PLS1: variants seen among roughly 807,000 people sequenced by gnomAD.
The protein encoded by PLS1 is plastin-1.
PLS1 carries 32 observed loss-of-function variants against 73.7 expected under a neutral mutation model. The ratio of observed to expected loss-of-function variants is 0.43; its 90% CI spans 0.33 to 0.58. The LOEUF (loss-of-function observed/expected upper bound fraction) is 0.58. Among genes scored for constraint, PLS1 ranks in the 20% least tolerant of loss-of-function variants. The pLI is 0.04. For synonymous variants in PLS1, 217 were observed against 261.3 expected (o/e 0.83, Z 1.63); for missense variants, 633 against 740.5 (o/e 0.85, Z 1.68).
At chr3:142,680,211 G>T (rs2037819814) in intron 6 of PLS1, among the ~76,000 whole-genome samples, 1 of 152,192 alleles carries the variant, frequency 6.6e-6, no homozygotes, top group African/African-American at 2.4e-5. Flanking sequence ...CTATAAGCAT[G>T]TACCACTATG....
chr3:142,702,997 A>C (rs2038362390), intron 12 of PLS1, among the ~76,000 whole-genome samples: 1 of 152,224 alleles, frequency 6.6e-6, no homozygotes, highest in African/African-American at 2.4e-5. Context: ...CAAAGTAAGC[A>C]TTCTTAGGAG....
intron 1 of PLS1, among the ~76,000 whole-genome samples, chr3:142,631,966 A>G (rs1379178900): frequency 6.6e-6 from 1 of 152,244 alleles, no homozygotes; most frequent in Non-Finnish European, 1.5e-5. Flanking sequence ...AGTAAATCAT[A>G]TGACTGATAA....
At chr3:142,693,324 G>C (rs2038124565) in intron 10 of PLS1, among the ~76,000 whole-genome samples, 1 of 152,102 alleles carries the variant, frequency 6.6e-6, no homozygotes, top group Non-Finnish European at 1.5e-5. Flanking sequence ...GGGTGTGCAG[G>C]TTTATACTGT....
Position 142,684,292 on chromosome 3 carries a change from A to T in PLS1, c.785A>T (p.Glu262Val). The change falls in exon 8 of 16, where the codon GAG becomes GTG. Residue 262 changes from glutamate to valine, a missense_variant. Physicochemically the swap from Glu to Val is moderately radical, Grantham distance 121. Transcript: ENST00000457734. ...ALLNEGEELEELMKLSPEELL... is the reference protein window; with the variant it reads ...ALLNEGEELEVLMKLSPEELL... ...TTAAATGAAGGTGAGGAACTAGAGG[A>T]GCTGATGAAGCTTTCTCCCGAGGAA... 6.2e-7 allele frequency: 1 copy of T among 1,614,100 alleles called. No individual in the cohort carries two copies. Among genetic ancestry groups the T allele is most frequent in the Admixed American group, 1.7e-5 (1 of 60,022 alleles).
At chr3:142,648,512 GA>G (rs1292220887) in intron 1 of PLS1, among the ~76,000 whole-genome samples, 8 of 152,180 alleles carry the variant, frequency 5.3e-5, no homozygotes, top group Non-Finnish European at 1.0e-4. Context: ...TCCAGGATTT[GA>G]AAATAGAGAA....
At chr3:142,663,884 G>T (rs1415189866) in intron 1 of PLS1, among the ~76,000 whole-genome samples, 2 of 152,146 alleles carry the variant, frequency 1.3e-5, no homozygotes, top group Non-Finnish European at 2.9e-5. Context: ...TCTCAAACTT[G>T]AAATGCAATG....
intron 2 of PLS1, among the ~76,000 whole-genome samples, chr3:142,664,916 A>G (rs2037446220): frequency 1.3e-5 from 2 of 151,160 alleles, no homozygotes; most frequent in African/African-American, 4.9e-5. Flanking sequence ...TTGGATCTCA[A>G]TTCTTCTGCA....
At chr3:142,626,767 C>T (rs1170806840) in intron 1 of PLS1, among the ~76,000 whole-genome samples, 1 of 152,104 alleles carries the variant, frequency 6.6e-6, no homozygotes, top group Non-Finnish European at 1.5e-5. Context: ...TTTTTACAGT[C>T]TCCAATTGCT....
In PLS1 at chr3:142,664,265, C is replaced by T. The variant is rs777076310; in HGVS notation, c.28C>T (p.Arg10Trp). The change falls in exon 2 of 16, where the codon CGG becomes TGG. Residue 10 changes from arginine (R) to tryptophan (W), a missense_variant. Physicochemically the swap from Arg to Trp is moderately radical, Grantham distance 101. Coordinates refer to ENST00000457734, the MANE Select transcript of PLS1 (RefSeq NM_001145319.2). Reference sequence around the variant, plus strand: ...GGAAAACAGTACTACTACCATTTCTCGGGAGGAGCTTGAAGAACTACAAGA... The same window carrying T: ...GGAAAACAGTACTACTACCATTTCTTGGGAGGAGCTTGAAGAACTACAAGA... MENSTTTISREELEELQEAF... is the reference protein window; with the variant it reads MENSTTTISWEELEELQEAF... 1.4e-5 allele frequency: 23 copies of T among 1,593,218 alleles called. No individual in the cohort carries two copies. The highest frequency in any genetic ancestry group is 3.4e-5 in the Admixed American group (2 of 58,698).
chr3:142,652,440 T>C (rs1485307921), intron 1 of PLS1, among the ~76,000 whole-genome samples: 1 of 152,210 alleles, frequency 6.6e-6, no homozygotes, highest in Admixed American at 6.5e-5. Flanking sequence ...GAAAACTTAC[T>C]AACCTTGGCT....
chr3:142,680,570 C>G (rs1347051926), intron 6 of PLS1, among the ~76,000 whole-genome samples: 1 of 152,152 alleles, frequency 6.6e-6, no homozygotes, highest in African/African-American at 2.4e-5. Flanking sequence ...TATCATTTCA[C>G]AAAATTTTAA....
chr3:142,661,693 T>G (rs1170568452), intron 1 of PLS1, among the ~76,000 whole-genome samples: 1 of 152,234 alleles, frequency 6.6e-6, no homozygotes, highest in Non-Finnish European at 1.5e-5. Context: ...GATTTTCCAC[T>G]TAGCTTCAAT....
intron 1 of PLS1, chr3:142,654,972 C>G (rs2037189632): frequency 6.6e-6 from 1 of 151,976 alleles, no homozygotes; most frequent in African/African-American, 2.4e-5. Context: ...GAAATATTAC[C>G]TTTAATGAAT....
intron 6 of PLS1, among the ~76,000 whole-genome samples, chr3:142,678,579 A>G (rs1330812787): frequency 6.6e-6 from 1 of 151,666 alleles, no homozygotes; most frequent in East Asian, 1.9e-4. Flanking sequence ...AATTTCATCC[A>G]TGTCCCTACA....
intron 1 of PLS1, among the ~76,000 whole-genome samples, chr3:142,630,938 A>AAC (rs140962182): frequency 0.049 from 6,782 of 137,414 alleles, 355 homozygotes; most frequent in African/African-American, 0.14. Flanking sequence ...CATGTAAATA[A>AAC]ACACACACAC....
At chr3:142,668,309 A>C (rs2037520755) in intron 2 of PLS1, among the ~76,000 whole-genome samples, 1 of 152,206 alleles carries the variant, frequency 6.6e-6, no homozygotes, top group South Asian at 2.1e-4. Flanking sequence ...TGTTTCCCAA[A>C]GTCCAAATAT....
intron 4 of PLS1, among the ~76,000 whole-genome samples, chr3:142,673,001 T>C (rs888275284): frequency 1.3e-5 from 2 of 152,252 alleles, no homozygotes; most frequent in East Asian, 1.9e-4. Context: ...GGAAGTTTCA[T>C]ATAAATGGTA....
chr3:142,658,589 TGTTTAA>T (rs1179891540), intron 1 of PLS1, among the ~76,000 whole-genome samples: 1 of 152,200 alleles, frequency 6.6e-6, no homozygotes, highest in Non-Finnish European at 1.5e-5. Context: ...TTCTCATGTA[TGTTTAA>T]GTTTTACTAC....
At chr3:142,678,135 AT>A (rs763973786) in intron 6 of PLS1, 22 bp downstream of exon 6, 1 of 1,195,850 alleles carries the variant, frequency 8.4e-7, no homozygotes, top group South Asian at 1.4e-5. Context: ...CCCTTTGCTT[AT>A]TATCATGTTA....
Sources: allele counts gnomAD v4.1 joint callset (sites outside exome capture counted in the v4.1 genomes callset), GRCh38; gene constraint gnomAD v4.1.1; transcripts MANE v1.5; gene names NCBI Gene and HGNC (gene_info 2026-07-23, HGNC 2026-07-21).